Variants in ZBTB20 observed in about 807,000 individuals in gnomAD.
ZBTB20 encodes zinc finger and BTB domain containing 20, also known as zinc finger and BTB domain-containing protein 20.
ZBTB20 carries 9 observed loss-of-function variants against 56.9 expected under a neutral mutation model. That is an observed-to-expected ratio of 0.16 (90% CI 0.10 to 0.28). ZBTB20 has a LOEUF of 0.28. Among genes scored for constraint, ZBTB20 ranks in the 10% least tolerant of loss-of-function variants. ZBTB20 has a pLI of 1.00. For missense variants in ZBTB20, 655 were observed against 1,003.0 expected (o/e 0.65, Z 4.69); for synonymous variants, 417 against 420.7 (o/e 0.99, Z 0.11).
intron 6 of ZBTB20, among the ~76,000 whole-genome samples, chr3:114,511,607 A>G (rs2045399227): frequency 1.3e-5 from 2 of 152,088 alleles, no homozygotes; most frequent in Non-Finnish European, 2.9e-5. Context: ...ATACACAGGA[A>G]TTCTATAATT....
intron 4 of ZBTB20, among the ~76,000 whole-genome samples, chr3:114,845,316 G>A (rs2107360212): frequency 1.4e-5 from 2 of 147,748 alleles, no homozygotes; most frequent in African/African-American, 5.0e-5. Context: ...AGCCTCTAGT[G>A]CAAAGCCATA....
At chr3:114,708,463 A>G (rs1039018684) in intron 5 of ZBTB20, among the ~76,000 whole-genome samples, 4 of 149,666 alleles carry the variant, frequency 2.7e-5, no homozygotes, top group African/African-American at 7.4e-5. Flanking sequence ...GAATGTATCT[A>G]AAGGAATTAC....
At chr3:114,442,991 T>C (rs981659225) in intron 7 of ZBTB20, among the ~76,000 whole-genome samples, 4 of 152,188 alleles carry the variant, frequency 2.6e-5, no homozygotes, top group Non-Finnish European at 5.9e-5. Context: ...CCATGCCATA[T>C]TCAAGCTAGA....
At chr3:114,767,507 GGAA>G (rs2068864434) in intron 5 of ZBTB20, among the ~76,000 whole-genome samples, 1 of 150,548 alleles carries the variant, frequency 6.6e-6, no homozygotes, top group Non-Finnish European at 1.5e-5. Flanking sequence ...AAAAGAAAAA[GGAA>G]GAAGGAGAGA....
intron 2 of ZBTB20, among the ~76,000 whole-genome samples, chr3:115,015,688 A>G (rs904978862): frequency 1.3e-5 from 2 of 151,798 alleles, no homozygotes; most frequent in Admixed American, 6.6e-5. Flanking sequence ...CATGATATAT[A>G]TTTACTACAT....
intron 4 of ZBTB20, among the ~76,000 whole-genome samples, 156 bp from the exon 5 acceptor site, chr3:114,801,330 GAA>G (rs779994547): frequency 9.0e-5 from 6 of 67,018 alleles, no homozygotes; most frequent in Non-Finnish European, 1.9e-4. Context: ...TTCTGTTAAG[GAA>G]AAAAAAAAAA....
chr3:114,705,184 A>G (rs939854940), intron 5 of ZBTB20, among the ~76,000 whole-genome samples: 1 of 152,160 alleles, frequency 6.6e-6, no homozygotes, highest in Non-Finnish European at 1.5e-5. Context: ...TGTATATAAT[A>G]CTAACCCTTC....
chr3:114,983,313 C>T (rs1026525539), intron 2 of ZBTB20, among the ~76,000 whole-genome samples: 3 of 151,940 alleles, frequency 2.0e-5, no homozygotes, highest in Non-Finnish European at 4.4e-5. Flanking sequence ...ATGAGGTATT[C>T]GTCTCTACTC....
At chr3:114,832,462 T>A (rs2073902793) in intron 4 of ZBTB20, among the ~76,000 whole-genome samples, 1 of 152,032 alleles carries the variant, frequency 6.6e-6, no homozygotes, top group Non-Finnish European at 1.5e-5. Flanking sequence ...ATCAAGGCAA[T>A]TGTCTTCAAA....
intron 10 of ZBTB20, among the ~76,000 whole-genome samples, chr3:114,360,121 C>G (rs2081660938): frequency 6.6e-6 from 1 of 151,150 alleles, no homozygotes; most frequent in African/African-American, 2.4e-5. Flanking sequence ...AAAAAAAAAG[C>G]TTTCTGGCAA....
Position 114,943,131 on chromosome 3 carries a change from C to T in ZBTB20, c.-456+31235G>A, listed in dbSNP as rs558799452. Among the ~76,000 whole-genome samples, 66 of 145,334 alleles carry T rather than the reference C, an allele frequency of 4.5e-4. 1 individual carries two copies. Among genetic ancestry groups the T allele is most frequent in the Non-Finnish European group, 5.6e-4 (38 of 67,630 alleles). On this transcript the variant is annotated intron_variant, in intron 3 of 11. Transcript: ENST00000675478. ...GTTTAGTGACTACTTGAAAAGCACT[C>T]CAAAATTTTATTTGAACCTCTAAAT... is the stretch of plus-strand genomic sequence containing the variant.
At chr3:114,721,418 T>C (rs2064903613) in intron 5 of ZBTB20, among the ~76,000 whole-genome samples, 1 of 152,174 alleles carries the variant, frequency 6.6e-6, no homozygotes, top group South Asian at 2.1e-4. Context: ...ACTTCGGTAG[T>C]GTCAGCAGAA....
At chr3:114,866,593 G>T (rs1448519601) in intron 4 of ZBTB20, among the ~76,000 whole-genome samples, 1 of 152,186 alleles carries the variant, frequency 6.6e-6, no homozygotes, top group Admixed American at 6.5e-5. Context: ...CAGTAACTGA[G>T]TAAAGCAGAT....
At chr3:114,538,135 T>G (rs1046460717) in intron 6 of ZBTB20, among the ~76,000 whole-genome samples, 3 of 151,870 alleles carry the variant, frequency 2.0e-5, no homozygotes, top group Non-Finnish European at 4.4e-5. Flanking sequence ...AGTATAATAA[T>G]AATAAAAAAA....
chr3:114,523,497 A>G (rs979751263), intron 6 of ZBTB20, among the ~76,000 whole-genome samples: 2 of 152,208 alleles, frequency 1.3e-5, no homozygotes, highest in African/African-American at 4.8e-5. Flanking sequence ...GTATACTGAT[A>G]GGAAAGTTTT....
intron 3 of ZBTB20, among the ~76,000 whole-genome samples, chr3:114,903,461 G>C (rs984191591): frequency 2.6e-5 from 4 of 151,948 alleles, no homozygotes; most frequent in African/African-American, 9.7e-5. Flanking sequence ...AAGGCTTGTT[G>C]AAGACATCAC....
intron 6 of ZBTB20, among the ~76,000 whole-genome samples, chr3:114,539,333 T>C (rs1191425225): frequency 6.6e-6 from 1 of 152,188 alleles, no homozygotes; most frequent in South Asian, 2.1e-4. Context: ...AGTTTAGTTC[T>C]GAATCACCCA....
intron 2 of ZBTB20, among the ~76,000 whole-genome samples, chr3:114,998,725 T>A (rs962133268): frequency 6.6e-6 from 1 of 151,580 alleles, no homozygotes; most frequent in African/African-American, 2.4e-5. Flanking sequence ...TTGGTGGTAA[T>A]ATCATTCACA....
intron 1 of ZBTB20, among the ~76,000 whole-genome samples, chr3:115,116,758 G>C (rs1471747659): frequency 6.6e-6 from 1 of 151,950 alleles, no homozygotes. Context: ...GAGAGCAAGA[G>C]AAAGAGATTA....
Sources: allele counts gnomAD v4.1 joint callset (sites outside exome capture counted in the v4.1 genomes callset), GRCh38; gene constraint gnomAD v4.1.1; transcripts MANE v1.5; gene names NCBI Gene and HGNC (gene_info 2026-07-23, HGNC 2026-07-21).